THBS4: variants seen among roughly 807,000 people sequenced by gnomAD.
THBS4 encodes the protein thrombospondin 4, also known as thrombospondin-4.
A neutral mutation model predicts 115.7 loss-of-function variants in THBS4; 90 were observed. That is an observed-to-expected ratio of 0.78 (90% CI 0.66 to 0.93). The LOEUF is 0.93. THBS4 is among the 40% of genes least tolerant of loss of function. The probability of loss-of-function intolerance (pLI) is 0.00; values close to 1 mark genes in which losing one functional copy is unlikely to be tolerated. For missense variants in THBS4, 1,087 were observed against 1,232.7 expected, an observed-to-expected ratio of 0.88 and a Z score of 1.77; for synonymous variants, 460 against 479.3, an observed-to-expected ratio of 0.96 and a Z score of 0.53.
At chr5:80,082,928 G>A in intron 21 of THBS4, 152 bp from the exon 22 acceptor site, 2 of 729,786 alleles carry the variant, frequency 2.7e-6, no homozygotes, top group South Asian at 1.7e-5. Flanking sequence ...GGTTTGCAAA[G>A]CAGCCTGCAG....
intron 2 of THBS4, among the ~76,000 whole-genome samples, chr5:80,010,358 A>T (rs1832099807): frequency 6.6e-6 from 1 of 152,228 alleles, no homozygotes; most frequent in Admixed American, 6.5e-5. Flanking sequence ...CTCACCTACC[A>T]GGGTAGAAGT....
upstream of THBS4, among the ~76,000 whole-genome samples, chr5:80,034,850 G>A (rs1288054916): frequency 1.3e-5 from 2 of 152,192 alleles, no homozygotes; most frequent in African/African-American, 4.8e-5. Context: ...GAAACTCGCT[G>A]CTCTCTGGGC....
At position 80,083,215 on chromosome 5, in the gene THBS4, T is replaced by C. The variant is rs1743619866; in HGVS notation, c.*74T>C. ...TATTTTAACTTCAATTTTCTTTAGCTTTTACCAACCCAAATATATCAAAAC... is the reference window on the plus strand; with the variant it reads ...TATTTTAACTTCAATTTTCTTTAGCCTTTACCAACCCAAATATATCAAAAC... On this transcript the variant is annotated 3_prime_UTR_variant, in exon 22 of 22. Coordinates refer to ENST00000350881, the MANE Select transcript of THBS4 (RefSeq NM_003248.6). 1.5e-6 allele frequency: 2 copies of C among 1,331,348 alleles called. No homozygotes were observed. The highest frequency in any genetic ancestry group is 1.4e-5 in the African/African-American group (1 of 69,064). 82.5% of individuals were successfully genotyped at this position (1,331,348 alleles called of 1,614,324 possible).
intron 13 of THBS4, 75 bp downstream of exon 13, chr5:80,071,255 A>G: frequency 6.6e-7 from 1 of 1,510,176 alleles, no homozygotes; most frequent in Non-Finnish European, 8.8e-7. Flanking sequence ...GAGAGTAGGA[A>G]TAGAATGACT....
In THBS4 at chr5:80,072,268, T is replaced by C. The variant is rs1284986539; in HGVS notation, c.1721-10T>C. 1.8e-5 allele frequency: 29 copies of C among 1,612,984 alleles called. No homozygotes were observed. The highest frequency in any genetic ancestry group is 2.4e-5 in the Non-Finnish European group (28 of 1,179,054). The stretch of plus-strand genomic sequence containing the variant: ...TTCCCCTGACTCAAGGTAGCATTTC[T>C]TTCTCACAGGAATAAAAAACATTCT... On this transcript the variant is annotated splice_polypyrimidine_tract_variant and intron_variant, in intron 13 of 21. Coordinates refer to ENST00000350881, the MANE Select transcript of THBS4 (RefSeq NM_003248.6).
At chr5:80,028,181 C>T (rs1357731199) in intron 2 of THBS4, among the ~76,000 whole-genome samples, 1 of 152,040 alleles carries the variant, frequency 6.6e-6, no homozygotes. Flanking sequence ...AAGACATCCC[C>T]ACCCCACCCC....
In THBS4 at chr5:80,040,064, C is replaced by G; in HGVS notation, c.89-13C>G. 1 of 1,613,438 alleles carries G rather than the reference C, an allele frequency of 6.2e-7. No homozygotes were observed. The highest frequency in any genetic ancestry group is 8.5e-7 in the Non-Finnish European group (1 of 1,179,466). On this transcript the variant is annotated splice_polypyrimidine_tract_variant and intron_variant, in intron 1 of 21. Coordinates refer to ENST00000350881, the MANE Select transcript of THBS4 (RefSeq NM_003248.6). ...ATCTTTCACTTATACCCCTTCTTCT[C>G]CCTTCTTCCCAGTCTTTGACCTTCT...
chr5:80,082,701 G>C (rs1352046359), intron 21 of THBS4, among the ~76,000 whole-genome samples, 156 bp downstream of exon 21: 1 of 152,168 alleles, frequency 6.6e-6, no homozygotes, highest in African/African-American at 2.4e-5. Flanking sequence ...GTAAAAAGCA[G>C]ATCACATTTA....
At chr5:80,081,321 T>C (rs1292121765) in intron 20 of THBS4, among the ~76,000 whole-genome samples, 2 of 152,226 alleles carry the variant, frequency 1.3e-5, no homozygotes, top group African/African-American at 4.8e-5. Flanking sequence ...TTTTTTATTA[T>C]AAATATTTTG....
chr5:80,012,586 TAAG>T (rs758430848), intron 2 of THBS4, among the ~76,000 whole-genome samples: 2 of 152,168 alleles, frequency 1.3e-5, no homozygotes, highest in African/African-American at 2.4e-5. Flanking sequence ...AGGTTGAAGC[TAAG>T]AAGCTTATCA....
intron 2 of THBS4, among the ~76,000 whole-genome samples, chr5:80,027,927 A>G (rs1040878062): frequency 6.6e-6 from 1 of 151,100 alleles, no homozygotes; most frequent in Non-Finnish European, 1.5e-5. Context: ...GGAAGAAAAA[A>G]CCTAAAATAC....
At chr5:80,022,100 A>C (rs978084541) in intron 2 of THBS4, among the ~76,000 whole-genome samples, 1 of 152,026 alleles carries the variant, frequency 6.6e-6, no homozygotes, top group Non-Finnish European at 1.5e-5. Flanking sequence ...CTTTTTCTTA[A>C]TCTCTTCAAC....
In THBS4 at chr5:80,035,684, T is replaced by G. The variant is rs956647447; in HGVS notation, c.88+59T>G. ...GGCACCGGGTGCCCCATCTGCTGAG[T>G]GAGTGGAGGGACTTGCTCGGCCCTG... On this transcript the variant is annotated intron_variant, in intron 1 of 21. Coordinates refer to ENST00000350881, the MANE Select transcript of THBS4 (RefSeq NM_003248.6). The surrounding 1 kb of genome is among the most constrained non-coding windows in gnomAD (Gnocchi z 4.6). The G allele has an allele frequency of 2.0e-5, 23 of 1,169,944 alleles. No individual in the cohort carries two copies. The East Asian group carries it at 7.0e-4, about 36-fold the overall frequency. The allele number at this position is 1,169,944 out of a possible 1,614,324, so 72.5% of individuals were successfully genotyped here. A position where few individuals can be genotyped will look rare whatever the true frequency, so the allele number is the denominator to read the frequency against.
intron 2 of THBS4, among the ~76,000 whole-genome samples, chr5:80,004,470 C>T (rs1831975744): frequency 6.6e-6 from 1 of 152,132 alleles, no homozygotes; most frequent in Admixed American, 6.5e-5. Context: ...CTAGGGTGGC[C>T]CCTTGTTGCT....
intron 14 of THBS4, 78 bp from the exon 15 acceptor site, chr5:80,073,197 T>C (rs534213574): frequency 1.5e-5 from 21 of 1,426,692 alleles, no homozygotes; most frequent in Admixed American, 1.2e-4. Flanking sequence ...CCAATGATGA[T>C]GGGTGAGGTC....
Position 80,040,296 on chromosome 5 carries a change from GA to G in THBS4, c.292+19del, listed in dbSNP as rs1832856937. On this transcript the variant is annotated intron_variant, in intron 2 of 21. Coordinates refer to ENST00000350881, the MANE Select transcript of THBS4 (RefSeq NM_003248.6). Reference sequence around the variant, plus strand: ...TTAAACAAAGGTAAGCAAATTTGCTGAAATTATTTTCTTAAAAATCTCCTTT... The same window carrying G: ...TTAAACAAAGGTAAGCAAATTTGCTGAATTATTTTCTTAAAAATCTCCTTT... 1 of 1,593,466 alleles carries G rather than the reference GA, an allele frequency of 6.3e-7. No homozygotes were observed. Among genetic ancestry groups the G allele is most frequent in the Admixed American group, 1.7e-5 (1 of 58,460 alleles).
At chr5:80,080,518 AT>A (rs1743434815) in intron 20 of THBS4, among the ~76,000 whole-genome samples, 2 of 140,968 alleles carry the variant, frequency 1.4e-5, no homozygotes, top group South Asian at 4.7e-4. Context: ...CTGCAGCACT[AT>A]GTCCCTTACA....
intron 2 of THBS4, among the ~76,000 whole-genome samples, chr5:80,021,572 T>C (rs1481079824): frequency 6.6e-6 from 1 of 151,976 alleles, no homozygotes; most frequent in East Asian, 1.9e-4. Context: ...CGTGGTACAG[T>C]CGTAGCTCAC....
In THBS4 at chr5:80,059,435, T is replaced by C. The variant is rs772050171; in HGVS notation, c.733-5T>C. 1.2e-5 allele frequency: 20 copies of C among 1,613,856 alleles called. No individual in the cohort carries two copies. Reference sequence around the variant, plus strand: ...AATCCTTTTTTCCCCTTCTCATTTTTAAAGGTTAAGGAAACATCATTTTTG... The same window carrying C: ...AATCCTTTTTTCCCCTTCTCATTTTCAAAGGTTAAGGAAACATCATTTTTG... On this transcript the variant is annotated splice_polypyrimidine_tract_variant and splice_region_variant and intron_variant, in intron 5 of 21. Coordinates refer to ENST00000350881, the MANE Select transcript of THBS4 (RefSeq NM_003248.6).
Sources: allele counts gnomAD v4.1 joint callset (sites outside exome capture counted in the v4.1 genomes callset), GRCh38; gene constraint gnomAD v4.1.1; non-coding constraint Gnocchi (gnomAD v3.1); transcripts MANE v1.5; gene names NCBI Gene and HGNC (gene_info 2026-07-23, HGNC 2026-07-21).